RAB3GAP2: variants seen among roughly 807,000 people sequenced by gnomAD.
RAB3GAP2 encodes rab3 GTPase-activating protein non-catalytic subunit.
RAB3GAP2 carries 87 observed loss-of-function variants against 185.3 expected under a neutral mutation model. That is an observed-to-expected ratio of 0.47 (90% CI 0.39 to 0.56). The LOEUF is 0.56. Ranked by LOEUF, RAB3GAP2 falls within the 20% of genes least tolerant of loss-of-function variation. The pLI is 0.00. For missense variants in RAB3GAP2, 1,492 were observed against 1,638.2 expected (o/e 0.91, Z 1.54); for synonymous variants, 554 against 576.1 (o/e 0.96, Z 0.55).
At chr1:220,181,870 G>A (rs78524062) in intron 21 of RAB3GAP2, among the ~76,000 whole-genome samples, 4 of 151,754 alleles carry the variant, frequency 2.6e-5, no homozygotes, top group African/African-American at 9.7e-5. Context: ...GCAACATAGC[G>A]AGACCCCCAT....
At chr1:220,200,224 C>T (rs567435394) in intron 9 of RAB3GAP2, among the ~76,000 whole-genome samples, 1 of 152,306 alleles carries the variant, frequency 6.6e-6, no homozygotes, top group East Asian at 1.9e-4. Flanking sequence ...CTTTCCATAG[C>T]TGGCTCCTTC....
At chr1:220,225,458 C>A (rs1361127036) in intron 2 of RAB3GAP2, among the ~76,000 whole-genome samples, 1 of 152,078 alleles carries the variant, frequency 6.6e-6, no homozygotes, top group Non-Finnish European at 1.5e-5. Context: ...CATCTGGGGC[C>A]AGAAAATCCT....
In RAB3GAP2 at chr1:220,151,224, T is replaced by C. The variant is rs1657746166; in HGVS notation, c.*27A>G. The C allele has an allele frequency of 6.2e-7, 1 of 1,604,470 alleles. No homozygotes were observed. Among genetic ancestry groups the C allele is most frequent in the Non-Finnish European group, 8.5e-7 (1 of 1,172,066 alleles). ...GCACTACTTCATGTTATAATCATAA[T>C]TTTAGACTATTTCCAGTAGGTAAGT... On this transcript the variant is annotated 3_prime_UTR_variant, in exon 35 of 35. Transcript: ENST00000358951.
intron 24 of RAB3GAP2, among the ~76,000 whole-genome samples, chr1:220,169,099 A>C (rs1658126175): frequency 6.6e-6 from 1 of 152,222 alleles, no homozygotes; most frequent in Admixed American, 6.5e-5. Flanking sequence ...GTTAATATTC[A>C]AATGGCATCC....
chr1:220,203,639 C>A lies in RAB3GAP2; in HGVS notation c.713-1265G>T, dbSNP rs186457680. Among the ~76,000 whole-genome samples, 3 of 152,204 alleles carry A rather than the reference C, an allele frequency of 2.0e-5. No individual in the cohort carries two copies. In the East Asian group the frequency reaches 5.8e-4, roughly 29 times the overall value. On this transcript the variant is annotated intron_variant, in intron 8 of 34. Coordinates refer to ENST00000358951, the MANE Select transcript of RAB3GAP2 (RefSeq NM_012414.4). ...ATGATACCAATTATAAAATTATTGTCTATTTCTAGTTTATTAATAAACTTC... is the reference window on the plus strand; with the variant it reads ...ATGATACCAATTATAAAATTATTGTATATTTCTAGTTTATTAATAAACTTC...
chr1:220,250,793 GCTCTCC>G (rs1659918064), intron 1 of RAB3GAP2, among the ~76,000 whole-genome samples: 1 of 152,126 alleles, frequency 6.6e-6, no homozygotes, highest in Admixed American at 6.5e-5. Context: ...TTTATAAGGG[GCTCTCC>G]CCCAACTTTG....
chr1:220,234,551 G>C (rs1659559254), intron 1 of RAB3GAP2, among the ~76,000 whole-genome samples: 1 of 152,208 alleles, frequency 6.6e-6, no homozygotes, highest in Admixed American at 6.5e-5. Context: ...ACAATTTATA[G>C]AAGAGTTCCA....
At chr1:220,261,772 T>G (rs904714952) in intron 1 of RAB3GAP2, among the ~76,000 whole-genome samples, 4 of 152,188 alleles carry the variant, frequency 2.6e-5, no homozygotes, top group Non-Finnish European at 4.4e-5. Flanking sequence ...CACTTTTACT[T>G]AAAACCATCA....
chr1:220,208,873 T>C (rs1659025118), intron 7 of RAB3GAP2, among the ~76,000 whole-genome samples: 1 of 152,220 alleles, frequency 6.6e-6, no homozygotes, highest in Non-Finnish European at 1.5e-5. Context: ...CATGCCGCCA[T>C]GCCCGGCTAA....
At chr1:220,263,317 T>C (rs188690444) in intron 1 of RAB3GAP2, among the ~76,000 whole-genome samples, 1 of 152,266 alleles carries the variant, frequency 6.6e-6, no homozygotes, top group East Asian at 1.9e-4. Flanking sequence ...GCCCCATTTG[T>C]CCACTTTTGC....
At chr1:220,186,247 T>C (rs1658505720) in intron 17 of RAB3GAP2, among the ~76,000 whole-genome samples, 2 of 152,068 alleles carry the variant, frequency 1.3e-5, no homozygotes, top group South Asian at 2.1e-4. Context: ...CCCATAGATA[T>C]TTAAGATTCT....
intron 27 of RAB3GAP2, among the ~76,000 whole-genome samples, chr1:220,162,584 C>A (rs898819340): frequency 4.6e-5 from 7 of 152,050 alleles, no homozygotes; most frequent in African/African-American, 1.7e-4. Context: ...AGGCTAAGAA[C>A]AATTTTTAAA....
chr1:220,242,320 A>T (rs1001333725), intron 1 of RAB3GAP2, among the ~76,000 whole-genome samples: 4 of 152,196 alleles, frequency 2.6e-5, no homozygotes, highest in African/African-American at 9.6e-5. Context: ...GTTCGTTATT[A>T]AGTTCCTACT....
chr1:220,174,180 CAT>C lies in RAB3GAP2; in HGVS notation c.2311-1440_2311-1439del, dbSNP rs779081044. 6.7e-4 allele frequency among the ~76,000 whole-genome samples: 102 copies of C among 152,184 alleles called. 1 individual carries two copies. The highest frequency in any genetic ancestry group is 2.3e-3 in the African/African-American group (95 of 41,522). ...TCTTCTCCCCCTTTAAAAATGTTCA[CAT>C]GTGTATGAGGATATATACATGTACA... On this transcript the variant is annotated intron_variant, in intron 21 of 34. Transcript: ENST00000358951.
At chr1:220,199,619 G>T (rs544880427) in intron 9 of RAB3GAP2, among the ~76,000 whole-genome samples, 1 of 152,120 alleles carries the variant, frequency 6.6e-6, no homozygotes, top group Non-Finnish European at 1.5e-5. Context: ...ACCTCTACTT[G>T]AATGTTTAAC....
intron 21 of RAB3GAP2, among the ~76,000 whole-genome samples, chr1:220,177,910 C>T (rs1327306822): frequency 6.6e-6 from 1 of 152,036 alleles, no homozygotes; most frequent in Non-Finnish European, 1.5e-5. Context: ...TAAGTAATAA[C>T]AGAAAACTTT....
At chr1:220,253,899 G>T (rs3211125) in intron 1 of RAB3GAP2, 6 of 1,613,488 alleles carry the variant, frequency 3.7e-6, no homozygotes, top group Non-Finnish European at 5.1e-6. Flanking sequence ...AAGTGAAAAC[G>T]AAAAAGAACA....
chr1:220,194,764 A>T (rs982257807), intron 12 of RAB3GAP2, among the ~76,000 whole-genome samples: 2 of 152,222 alleles, frequency 1.3e-5, no homozygotes, highest in Admixed American at 1.3e-4. Flanking sequence ...AACTATCTAA[A>T]CTTTTAAAAG....
rs149826193 is a variant in RAB3GAP2, at chr1:220,216,561, T to A, written c.181-2582A>T. 3.9e-5 allele frequency among the ~76,000 whole-genome samples: 6 copies of A among 152,260 alleles called. No individual in the cohort carries two copies. In the East Asian group the frequency reaches 1.2e-3, roughly 29 times the overall value. On this transcript the variant is annotated intron_variant, in intron 2 of 34. Transcript: ENST00000358951. ...ACTGTGAGGCACAGGACCTTCTAAG[T>A]GATTAGAGATCCACTTTCAGGTAGG...
Sources: allele counts gnomAD v4.1 joint callset (sites outside exome capture counted in the v4.1 genomes callset), GRCh38; gene constraint gnomAD v4.1.1; transcripts MANE v1.5; gene names NCBI Gene and HGNC (gene_info 2026-07-23, HGNC 2026-07-21).